The following SHQ1 variants were observed in gnomAD, a reference collection of about 807,000 sequenced individuals.
The protein encoded by SHQ1 is protein SHQ1 homolog.
In SHQ1, 49 loss-of-function variants were observed where a neutral mutation model predicts 53.8. The ratio of observed to expected loss-of-function variants is 0.91; its 90% CI spans 0.72 to 1.16. The LOEUF is 1.16. Among genes scored for constraint, SHQ1 ranks in the 50% most tolerant of loss-of-function variants. The pLI is 0.00. For missense variants in SHQ1, 738 were observed against 683.1 expected (o/e 1.08, Z -0.90); for synonymous variants, 243 against 251.0 (o/e 0.97, Z 0.30).
chr3:72,748,329 CAA>C (rs572927520), downstream of SHQ1, among the ~76,000 whole-genome samples: 57 of 58,734 alleles, frequency 9.7e-4, no homozygotes, highest in African/African-American at 3.4e-3. Flanking sequence ...ATGAGGCATG[CAA>C]AAAAAAAAAA....
chr3:72,846,280 T>TA, intron 1 of SHQ1: 2 of 1,533,960 alleles, frequency 1.3e-6, no homozygotes, highest in Non-Finnish European at 1.7e-6. Flanking sequence ...TCATCCTTGG[T>TA]ATAGCAAACT....
intron 10 of SHQ1, among the ~76,000 whole-genome samples, chr3:72,768,534 T>C (rs1705781953): frequency 1.3e-5 from 2 of 152,212 alleles, no homozygotes; most frequent in Admixed American, 1.3e-4. Context: ...GTGGCTGTGA[T>C]CTTTGTGATT....
intron 10 of SHQ1, among the ~76,000 whole-genome samples, chr3:72,767,601 C>T (rs917235260): frequency 2.6e-5 from 4 of 152,158 alleles, no homozygotes; most frequent in African/African-American, 9.7e-5. Context: ...TTGCTGGATA[C>T]CTTTTTAAAA....
intron 10 of SHQ1, among the ~76,000 whole-genome samples, chr3:72,756,682 G>A (rs1239113398): frequency 6.6e-6 from 1 of 152,172 alleles, no homozygotes; most frequent in Admixed American, 6.5e-5. Context: ...GGATACCACT[G>A]CTGTCATATT....
intron 4 of SHQ1, among the ~76,000 whole-genome samples, chr3:72,837,816 A>T (rs1245426719): frequency 6.6e-6 from 1 of 152,248 alleles, no homozygotes; most frequent in Non-Finnish European, 1.5e-5. Flanking sequence ...GCTGCCATAA[A>T]CAGCAGCTGT....
intron 10 of SHQ1, among the ~76,000 whole-genome samples, chr3:72,771,935 A>G (rs927028063): frequency 6.6e-6 from 1 of 152,226 alleles, no homozygotes; most frequent in African/African-American, 2.4e-5. Flanking sequence ...GTTCTCATTT[A>G]TAAGTGAATT....
At position 72,817,312 on chromosome 3, in the gene SHQ1, G is replaced by C. The variant is rs1707347627; in HGVS notation, c.800C>G (p.Ala267Gly). The change falls in exon 7 of 11, where the codon GCC (alanine) becomes GGC (glycine). Residue 267 changes from alanine to glycine, a missense_variant. Coordinates refer to ENST00000325599, the MANE Select transcript of SHQ1 (RefSeq NM_018130.3). ...VNKSYLLDKR[A>G]CRQVCYSLID... ...CAAACTGTAGCACACTTGACGACAGGCTCTCTTGTCCAGCAGATAAGATTT... is the reference window on the plus strand; with the variant it reads ...CAAACTGTAGCACACTTGACGACAGCCTCTCTTGTCCAGCAGATAAGATTT... 2 of 1,613,586 alleles carry C rather than the reference G, an allele frequency of 1.2e-6. No homozygotes were observed. The highest frequency in any genetic ancestry group is 1.7e-6 in the Non-Finnish European group (2 of 1,179,710).
chr3:72,802,427 C>A (rs1173730923), intron 9 of SHQ1, among the ~76,000 whole-genome samples: 2 of 152,180 alleles, frequency 1.3e-5, no homozygotes, highest in Non-Finnish European at 2.9e-5. Context: ...ATGCCAAACT[C>A]TTCAGTGGTT....
chr3:72,815,223 A>G (rs1367679627), intron 8 of SHQ1, 127 bp downstream of exon 8: 3 of 732,452 alleles, frequency 4.1e-6, no homozygotes, highest in Non-Finnish European at 6.9e-6. Flanking sequence ...TGGAAAACAT[A>G]CTTGTACAAT....
rs1705326522 is a variant in SHQ1 at position 72,749,801 on chromosome 3, GCA to G, written c.*481_*482del. ...TTTGAACTTTATCTTCACAGTCGCGGCAAGGAAAACAAAAGGTATAAACATTC... is the reference window on the plus strand; with the variant it reads ...TTTGAACTTTATCTTCACAGTCGCGGAGGAAAACAAAAGGTATAAACATTC... On this transcript the variant is annotated 3_prime_UTR_variant, in exon 11 of 11. Coordinates refer to ENST00000325599, the MANE Select transcript of SHQ1 (RefSeq NM_018130.3). 4.5e-6 allele frequency: 1 copy of G among 222,194 alleles called. No individual in the cohort carries two copies. Among genetic ancestry groups the G allele is most frequent in the Admixed American group, 5.8e-5 (1 of 17,388 alleles). The allele number at this position is 222,194 out of a possible 1,614,324, so 13.8% of individuals were successfully genotyped here. A position where few individuals can be genotyped will look rare whatever the true frequency, so the allele number is the denominator to read the frequency against.
At chr3:72,741,597 AAAG>A in the SHQ1 span, among the ~76,000 whole-genome samples, 2 of 151,946 alleles carry the variant, frequency 1.3e-5, no homozygotes, top group Non-Finnish European at 2.9e-5. Flanking sequence ...ATAAAAAAAA[AAAG>A]AAGGAGTGAG....
At chr3:72,772,880 C>A (rs778796992) in intron 10 of SHQ1, 3 of 783,814 alleles carry the variant, frequency 3.8e-6, no homozygotes, top group Non-Finnish European at 7.1e-6. Context: ...GTGGACAAAT[C>A]TGAATTGGAA....
At chr3:72,780,585 G>C (rs1706050430) in intron 10 of SHQ1, among the ~76,000 whole-genome samples, 1 of 152,198 alleles carries the variant, frequency 6.6e-6, no homozygotes, top group Non-Finnish European at 1.5e-5. Flanking sequence ...TTTGCCAAAA[G>C]AATGTGTCTT....
rs746076879 is a variant in SHQ1, at chr3:72,832,411, C to T, written c.557G>A (p.Arg186His). 4.3e-6 allele frequency: 7 copies of T among 1,612,722 alleles called. No homozygotes were observed. Among genetic ancestry groups the T allele is most frequent in the Non-Finnish European group, 3.4e-6 (4 of 1,179,946 alleles). Residue 186 changes from arginine (R) to histidine (H), a missense_variant, in exon 5 of 11, where the codon CGC becomes CAC. Coordinates refer to ENST00000325599, the MANE Select transcript of SHQ1 (RefSeq NM_018130.3). ...AAACTTGGCCAGCTCAGCGGCCAGG[C>T]GCTTCTGTCTTCGTTCAGCTGCAGG... The part of the protein sequence containing the change: ...FTPAAERRQK[R>H]LAAELAKFDP...
At position 72,786,643 on chromosome 3, in the gene SHQ1, C is replaced by A. The variant is rs6764729; in HGVS notation, c.1181+6273G>T. 4.3e-3 allele frequency among the ~76,000 whole-genome samples: 655 copies of A among 152,318 alleles called. 3 individuals carry two copies. The highest frequency in any genetic ancestry group is 7.2e-3 in the Non-Finnish European group (492 of 68,034). ...CCCTGTGTCCTCTTAGATGCTTCCACAGCTCCCATACTTGCCCACTGTAGC... is the reference window on the plus strand; with the variant it reads ...CCCTGTGTCCTCTTAGATGCTTCCAAAGCTCCCATACTTGCCCACTGTAGC... On this transcript the variant is annotated intron_variant, in intron 10 of 10. Coordinates refer to ENST00000325599, the MANE Select transcript of SHQ1 (RefSeq NM_018130.3).
chr3:72,797,057 A>G (rs966428009), intron 9 of SHQ1, among the ~76,000 whole-genome samples: 2 of 152,040 alleles, frequency 1.3e-5, no homozygotes, highest in East Asian at 3.9e-4. Flanking sequence ...CAGGAGTTCA[A>G]GACCAGCCTG....
chr3:72,816,822 A>G (rs1466980936), intron 7 of SHQ1, among the ~76,000 whole-genome samples: 1 of 152,218 alleles, frequency 6.6e-6, no homozygotes, highest in African/African-American at 2.4e-5. Flanking sequence ...GTAAAATGCC[A>G]TATTTTGCAT....
chr3:72,765,557 A>ATATATATATATATATATTTTTTTTTTT (rs1491527508), intron 10 of SHQ1, among the ~76,000 whole-genome samples: 1 of 57,192 alleles, frequency 1.7e-5, no homozygotes, highest in African/African-American at 7.9e-5. Context: ...ATATATATAT[A>ATATATATATATATATATTTTTTTTTTT]TTTTTTTTTT....
intron 10 of SHQ1, 120 bp downstream of exon 10, chr3:72,792,796 A>AC: frequency 4.3e-6 from 3 of 703,256 alleles, no homozygotes; most frequent in East Asian, 3.4e-5. Context: ...AAAAAAAAAA[A>AC]AAAAAAAAAA....
Sources: gnomAD v4.1 joint callset for allele counts (sites outside exome capture counted in the v4.1 genomes callset) on GRCh38, gnomAD v4.1.1 for gene constraint, MANE v1.5 for transcripts, NCBI Gene and HGNC (gene_info 2026-07-23, HGNC 2026-07-21) for gene names.